Variants in HPSE2 observed in about 807,000 individuals in gnomAD.
The protein encoded by HPSE2 is inactive heparanase-2.
HPSE2 carries 38 observed loss-of-function variants against 60.5 expected under a neutral mutation model. That is an observed-to-expected ratio of 0.63 (90% CI 0.48 to 0.82). HPSE2 has a LOEUF of 0.82. HPSE2 is among the 40% of genes least tolerant of loss of function. The pLI, the probability that HPSE2 is intolerant of heterozygous loss-of-function variation, is 0.00. For synonymous variants in HPSE2, 295 were observed against 293.2 expected (o/e 1.01, Z -0.06); for missense variants, 713 against 740.4 (o/e 0.96, Z 0.43).
At chr10:99,061,490 T>C (rs1015778720) in intron 3 of HPSE2, among the ~76,000 whole-genome samples, 1 of 152,244 alleles carries the variant, frequency 6.6e-6, no homozygotes, top group Non-Finnish European at 1.5e-5. Context: ...GTTTCTAGCA[T>C]AAGACAAATC....
chr10:99,042,097 A>C (rs1403681075), intron 3 of HPSE2, among the ~76,000 whole-genome samples: 2 of 152,152 alleles, frequency 1.3e-5, no homozygotes, highest in Non-Finnish European at 2.9e-5. Flanking sequence ...TCTGGGGTGG[A>C]AGTCCCTAGA....
At chr10:99,149,453 A>C (rs1334009879) in intron 2 of HPSE2, among the ~76,000 whole-genome samples, 1 of 152,230 alleles carries the variant, frequency 6.6e-6, no homozygotes. Context: ...GGATCCCTCT[A>C]GTACTTACTA....
At chr10:99,151,549 A>G (rs950622944) in intron 2 of HPSE2, among the ~76,000 whole-genome samples, 1 of 152,230 alleles carries the variant, frequency 6.6e-6, no homozygotes, top group African/African-American at 2.4e-5. Context: ...ATCCACATCT[A>G]GATACATTAT....
the HPSE2 span, among the ~76,000 whole-genome samples, chr10:99,256,276 TG>T: frequency 6.7e-6 from 1 of 149,278 alleles, no homozygotes; most frequent in African/African-American, 2.5e-5. Context: ...TCCACCCTCA[TG>T]AATGGATTAA....
At chr10:98,483,583 G>A (rs1408634741) in intron 10 of HPSE2, among the ~76,000 whole-genome samples, 1 of 152,172 alleles carries the variant, frequency 6.6e-6, no homozygotes, top group Non-Finnish European at 1.5e-5. Flanking sequence ...ACCTCCCTGT[G>A]GGAAGATTTT....
At chr10:98,969,830 G>A (rs1448279936) in intron 3 of HPSE2, among the ~76,000 whole-genome samples, 1 of 152,160 alleles carries the variant, frequency 6.6e-6, no homozygotes, top group East Asian at 1.9e-4. Context: ...AGGCTGTAGA[G>A]GAAGCATGGC....
chr10:98,655,832 A>G (rs1485926286), intron 6 of HPSE2, among the ~76,000 whole-genome samples: 1 of 152,152 alleles, frequency 6.6e-6, no homozygotes. Context: ...CATGTGATAC[A>G]CATGTGTCAT....
chr10:98,806,214 A>T (rs1565176801), intron 3 of HPSE2, among the ~76,000 whole-genome samples: 1 of 152,178 alleles, frequency 6.6e-6, no homozygotes, highest in Non-Finnish European at 1.5e-5. Flanking sequence ...ATTCAAATCT[A>T]ATATGCAGAA....
chr10:98,540,938 G>GTTT (rs778177164), intron 9 of HPSE2, among the ~76,000 whole-genome samples: 1 of 152,072 alleles, frequency 6.6e-6, no homozygotes, highest in Non-Finnish European at 1.5e-5. Context: ...AAATAAAAAA[G>GTTT]GAAAAGCAAG....
intron 2 of HPSE2, among the ~76,000 whole-genome samples, chr10:99,204,941 CACA>C (rs1355976704): frequency 2.0e-5 from 3 of 152,144 alleles, no homozygotes; most frequent in African/African-American, 4.8e-5. Flanking sequence ...AAATGTCCTT[CACA>C]ACAACATGTA....
At chr10:98,795,067 A>AGAAG (rs1343913542) in intron 3 of HPSE2, among the ~76,000 whole-genome samples, 2 of 27,542 alleles carry the variant, frequency 7.3e-5, no homozygotes, top group African/African-American at 1.3e-4. Context: ...AAGGAAGGAA[A>AGAAG]GAAGGAAGGA....
At chr10:99,000,614 T>C (rs1956755949) in intron 3 of HPSE2, among the ~76,000 whole-genome samples, 1 of 151,960 alleles carries the variant, frequency 6.6e-6, no homozygotes, top group African/African-American at 2.4e-5. Flanking sequence ...AATTAGGAGG[T>C]CATGGTGACC....
chr10:98,681,743 G>A (rs925063217), intron 6 of HPSE2, among the ~76,000 whole-genome samples: 3 of 152,062 alleles, frequency 2.0e-5, no homozygotes, highest in African/African-American at 4.8e-5. Flanking sequence ...GGGAATCCAC[G>A]TGTCTTCAAT....
At chr10:99,142,684 G>C (rs1470427746) in intron 3 of HPSE2, among the ~76,000 whole-genome samples, 2 of 152,138 alleles carry the variant, frequency 1.3e-5, no homozygotes, top group African/African-American at 2.4e-5. Context: ...CCAACAGTTT[G>C]AACTGCGAAT....
At position 98,722,593 on chromosome 10, in the gene HPSE2, G is replaced by GA. The variant is rs1342867523; in HGVS notation, c.785-766dup. 1.3e-5 allele frequency among the ~76,000 whole-genome samples: 2 copies of GA among 152,048 alleles called. 1 individual carries two copies. The highest frequency in any genetic ancestry group is 2.9e-5 in the Non-Finnish European group (2 of 68,014). ...AAAGATGTTCACTGCCAAAAAGTCAGAAAAAATATTAATATTCATTAATAA... is the reference window on the plus strand; with the variant it reads ...AAAGATGTTCACTGCCAAAAAGTCAGAAAAAAATATTAATATTCATTAATAA... On this transcript the variant is annotated intron_variant, in intron 4 of 11. Transcript: ENST00000370552.
Position 98,522,055 on chromosome 10 carries a change from G to A in HPSE2, c.1321-31859C>T, listed in dbSNP as rs186043888. 3.9e-5 allele frequency among the ~76,000 whole-genome samples: 6 copies of A among 151,952 alleles called. No individual in the cohort carries two copies. The East Asian group carries it at 1.2e-3, about 29-fold the overall frequency. On this transcript the variant is annotated intron_variant, in intron 9 of 11. Transcript: ENST00000370552. ...TGCAAATGACGAGTTGATGGGTGCA[G>A]CAAACCAACATGGCACATGTACACC...
At chr10:98,794,243 ATT>A (rs67286674) in intron 3 of HPSE2, among the ~76,000 whole-genome samples, 50 of 144,264 alleles carry the variant, frequency 3.5e-4, no homozygotes, top group Admixed American at 9.0e-4. Flanking sequence ...CATTGCATTA[ATT>A]TTTTTTTTTT....
intron 3 of HPSE2, among the ~76,000 whole-genome samples, chr10:98,826,460 A>G (rs1277348243): frequency 6.6e-6 from 1 of 152,194 alleles, no homozygotes; most frequent in African/African-American, 2.4e-5. Flanking sequence ...ATTCTTTGAC[A>G]CTATTTTCAT....
At chr10:98,895,387 T>C (rs973114507) in intron 3 of HPSE2, among the ~76,000 whole-genome samples, 16 of 152,184 alleles carry the variant, frequency 1.1e-4, no homozygotes, top group Non-Finnish European at 2.2e-4. Flanking sequence ...ATAAATTTTC[T>C]TACAGCCACA....
Sources: gnomAD v4.1 joint callset for allele counts (sites outside exome capture counted in the v4.1 genomes callset) on GRCh38, gnomAD v4.1.1 for gene constraint, MANE v1.5 for transcripts, NCBI Gene and HGNC (gene_info 2026-07-23, HGNC 2026-07-21) for gene names.